The following GPATCH2 variants were observed in gnomAD, a reference collection of about 807,000 sequenced individuals.
GPATCH2 encodes the protein G patch domain-containing protein 2.
A neutral mutation model predicts 58.0 loss-of-function variants in GPATCH2; 51 were observed. The observed-to-expected ratio is 0.88, with a 90% CI of 0.70 to 1.11. The LOEUF (loss-of-function observed/expected upper bound fraction) is 1.11, where lower values mean the gene tolerates loss of function less well. Ranked by LOEUF, GPATCH2 falls within the 50% of genes most tolerant of loss-of-function variation. The pLI is 0.00. For missense variants in GPATCH2, 625 were observed against 652.2 expected, an observed-to-expected ratio of 0.96 and a Z score of 0.45; for synonymous variants, 222 against 218.5, an observed-to-expected ratio of 1.02 and a Z score of -0.14.
chr1:217,519,690 G>A (rs1663351218), intron 5 of GPATCH2, among the ~76,000 whole-genome samples: 1 of 152,126 alleles, frequency 6.6e-6, no homozygotes, highest in African/African-American at 2.4e-5. Context: ...AATGAGATAT[G>A]CATGCAAGGC....
At chr1:217,518,347 T>C (rs931136692) in intron 5 of GPATCH2, among the ~76,000 whole-genome samples, 11 of 152,180 alleles carry the variant, frequency 7.2e-5, no homozygotes, top group African/African-American at 2.7e-4. Flanking sequence ...TATTGGAAAT[T>C]CTGCTAAATG....
At chr1:217,454,446 G>A (rs371012101) in intron 8 of GPATCH2, among the ~76,000 whole-genome samples, 12 of 151,736 alleles carry the variant, frequency 7.9e-5, no homozygotes, top group Middle Eastern at 3.4e-3. Context: ...AAAATTAGCC[G>A]GGCGTGGTGG....
At chr1:217,507,195 T>C (rs1662605438) in intron 6 of GPATCH2, among the ~76,000 whole-genome samples, 1 of 152,210 alleles carries the variant, frequency 6.6e-6, no homozygotes, top group Non-Finnish European at 1.5e-5. Flanking sequence ...CTATGGTTGC[T>C]ATGCTGTTCT....
intron 6 of GPATCH2, among the ~76,000 whole-genome samples, chr1:217,506,586 A>T (rs552774191): frequency 9.1e-4 from 139 of 152,298 alleles, no homozygotes; most frequent in African/African-American, 3.3e-3. Context: ...GTAGAAATTG[A>T]CAGGGAGTTC....
intron 2 of GPATCH2, among the ~76,000 whole-genome samples, chr1:217,619,386 A>C (rs1021177211): frequency 6.6e-6 from 1 of 152,224 alleles, no homozygotes; most frequent in South Asian, 2.1e-4. Context: ...TTGATGTTCA[A>C]GAATCAGGAT....
chr1:217,583,570 CAAAAAAAAAAA>C (rs60392448), intron 5 of GPATCH2, among the ~76,000 whole-genome samples: 1 of 65,232 alleles, frequency 1.5e-5, no homozygotes, highest in African/African-American at 6.2e-5. Context: ...GACTCTGTCT[CAAAAAAAAAAA>C]AAAAAAAAAA....
At chr1:217,622,557 T>C (rs1669244271) in intron 1 of GPATCH2, among the ~76,000 whole-genome samples, 1 of 152,218 alleles carries the variant, frequency 6.6e-6, no homozygotes, top group Non-Finnish European at 1.5e-5. Context: ...TTTTTTTGTT[T>C]GTTTGAGACG....
At chr1:217,531,044 AACACACAC>A (rs56751109) in intron 5 of GPATCH2, among the ~76,000 whole-genome samples, 1 of 148,194 alleles carries the variant, frequency 6.7e-6, no homozygotes, top group African/African-American at 2.5e-5. Context: ...CAGTTACACA[AACACACAC>A]ACACACACAC....
At chr1:217,457,134 A>G (rs1286732021) in intron 8 of GPATCH2, among the ~76,000 whole-genome samples, 1 of 152,264 alleles carries the variant, frequency 6.6e-6, no homozygotes, top group African/African-American at 2.4e-5. Context: ...TCTCAAAGGC[A>G]AAGTCAAGCT....
chr1:217,608,872 C>G, intron 5 of GPATCH2: 1 of 984,212 alleles, frequency 1.0e-6, no homozygotes, highest in South Asian at 4.7e-5. Context: ...TTGCATTTTA[C>G]CATTTTTAAT....
At chr1:217,609,025 C>A (rs1486162042) in intron 5 of GPATCH2, 2 of 882,360 alleles carry the variant, frequency 2.3e-6, no homozygotes, top group African/African-American at 3.6e-5. Context: ...TTAAGTTAGC[C>A]ATTAAATGCT....
At chr1:217,596,990 A>G (rs764464915) in intron 5 of GPATCH2, among the ~76,000 whole-genome samples, 15 of 152,066 alleles carry the variant, frequency 9.9e-5, no homozygotes, top group Non-Finnish European at 1.8e-4. Flanking sequence ...AAAAGGTACA[A>G]CTCCACAAGG....
chr1:217,570,859 G>A (rs143095316), intron 5 of GPATCH2, among the ~76,000 whole-genome samples: 57 of 152,270 alleles, frequency 3.7e-4, no homozygotes, highest in African/African-American at 1.3e-3. Context: ...CTTCAAAAGC[G>A]TATCTGACAG....
chr1:217,615,788 A>T (rs1012199730), intron 2 of GPATCH2, among the ~76,000 whole-genome samples: 1 of 152,128 alleles, frequency 6.6e-6, no homozygotes, highest in African/African-American at 2.4e-5. Flanking sequence ...GTACAGGTCA[A>T]ATTAAATTTG....
At chr1:217,451,710 C>T (rs752398637) in intron 8 of GPATCH2, among the ~76,000 whole-genome samples, 1 of 152,174 alleles carries the variant, frequency 6.6e-6, no homozygotes, top group Non-Finnish European at 1.5e-5. Context: ...ATATACCAGA[C>T]AGGCTCAGAT....
At chr1:217,531,202 G>C (rs968828344) in intron 5 of GPATCH2, among the ~76,000 whole-genome samples, 2 of 152,090 alleles carry the variant, frequency 1.3e-5, no homozygotes, top group Non-Finnish European at 2.9e-5. Context: ...TCACTTAACA[G>C]ATTATCTGCC....
intron 9 of GPATCH2, among the ~76,000 whole-genome samples, chr1:217,446,766 A>G (rs1335584726): frequency 6.6e-6 from 1 of 152,198 alleles, no homozygotes; most frequent in African/African-American, 2.4e-5. Context: ...GTAAGCTTAT[A>G]TAAAAAAAAC....
At chr1:217,486,884 G>A (rs1661478132) in intron 8 of GPATCH2, among the ~76,000 whole-genome samples, 2 of 152,288 alleles carry the variant, frequency 1.3e-5, no homozygotes, top group South Asian at 4.1e-4. Context: ...TAGAGGGGCT[G>A]CAGCAAGGAC....
chr1:217,441,748 T>C (rs948456224), intron 9 of GPATCH2, among the ~76,000 whole-genome samples: 4 of 152,048 alleles, frequency 2.6e-5, no homozygotes, highest in African/African-American at 9.7e-5. Flanking sequence ...AAAAAGCTCA[T>C]CATCACTGGT....
Sources: gnomAD v4.1 joint callset for allele counts (sites outside exome capture counted in the v4.1 genomes callset) on GRCh38, gnomAD v4.1.1 for gene constraint, MANE v1.5 for transcripts, NCBI Gene and HGNC (gene_info 2026-07-23, HGNC 2026-07-21) for gene names.